The following UBOX5 variants were observed in gnomAD, a reference collection of about 807,000 sequenced individuals.
UBOX5 encodes RING finger protein 37.
A neutral mutation model predicts 39.0 loss-of-function variants in UBOX5; 28 were observed. That is an observed-to-expected ratio of 0.72 (90% CI 0.53 to 0.98). UBOX5 has a LOEUF of 0.98. Ranked by LOEUF, UBOX5 falls within the 50% of genes least tolerant of loss-of-function variation. The pLI is 0.00. For missense variants in UBOX5, 585 were observed against 674.4 expected, an observed-to-expected ratio of 0.87 and a Z score of 1.47; for synonymous variants, 283 against 275.5, an observed-to-expected ratio of 1.03 and a Z score of -0.27.
chr20:3,132,139 G>A (rs892417118), intron 1 of UBOX5, among the ~76,000 whole-genome samples: 2 of 151,366 alleles, frequency 1.3e-5, no homozygotes, highest in Admixed American at 6.6e-5. Flanking sequence ...GTGAAAACCC[G>A]ATGCTACTAA....
Position 3,122,465 on chromosome 20 carries a change from G to A in UBOX5, c.174C>T (p.Pro58=), listed in dbSNP as rs761018918. Reference sequence around the variant, plus strand: ...TGATCCTACAGATTTCCACATTAAAGGGAAATGAAACTGTCACATAGACTG... The same window carrying A: ...TGATCCTACAGATTTCCACATTAAAAGGAAATGAAACTGTCACATAGACTG... ...KPPVYVTVSF[P]FNVEICRINI... Residue 58 remains proline, a synonymous_variant, in exon 3 of 5, where the codon CCC becomes CCT. Transcript: ENST00000217173. The A allele has an allele frequency of 2.7e-5, 44 of 1,614,070 alleles. No homozygotes were observed. Among genetic ancestry groups the A allele is most frequent in the Non-Finnish European group, 3.7e-5 (44 of 1,180,030 alleles).
chr20:3,114,934 C>T (rs931193959), intron 4 of UBOX5, among the ~76,000 whole-genome samples: 3 of 151,674 alleles, frequency 2.0e-5, no homozygotes, highest in South Asian at 2.1e-4. Flanking sequence ...GGCAACAGGG[C>T]GAGATGCAGT....
At chr20:3,124,298 G>A (rs1245860130) in intron 1 of UBOX5, among the ~76,000 whole-genome samples, 2 of 152,160 alleles carry the variant, frequency 1.3e-5, no homozygotes, top group Non-Finnish European at 2.9e-5. Context: ...TCAGCTCGCT[G>A]CAACCTCCCT....
chr20:3,115,300 G>T lies in UBOX5; in HGVS notation c.1417+5C>A, dbSNP rs2066284659. The stretch of plus-strand genomic sequence containing the variant: ...GCTCCAAGGAGATGGCGGGGCCCAT[G>T]TTACCCGAGCCGGTGCCAGGCCTCC... On this transcript the variant is annotated splice_donor_5th_base_variant and intron_variant, in intron 4 of 4. Transcript: ENST00000217173. 6.2e-7 allele frequency: 1 copy of T among 1,608,936 alleles called. No homozygotes were observed. Among genetic ancestry groups the T allele is most frequent in the South Asian group, 1.1e-5 (1 of 90,300 alleles).
intron 1 of UBOX5, among the ~76,000 whole-genome samples, chr20:3,153,246 T>C (rs2066649705): frequency 6.6e-6 from 1 of 152,240 alleles, no homozygotes; most frequent in Admixed American, 6.5e-5. Context: ...AACATCAATG[T>C]TTGGTGCAGC....
chr20:3,152,501 C>CA (rs557313855), intron 1 of UBOX5, among the ~76,000 whole-genome samples: 10 of 148,792 alleles, frequency 6.7e-5, no homozygotes, highest in Non-Finnish European at 1.0e-4. Context: ...GACTCTGTCT[C>CA]AAAAAAAAAG....
At chr20:3,153,852 CA>C (rs2066657192) in intron 1 of UBOX5, among the ~76,000 whole-genome samples, 1 of 152,136 alleles carries the variant, frequency 6.6e-6, no homozygotes, top group African/African-American at 2.4e-5. Context: ...GTGAGCATTC[CA>C]AATTCAAAAA....
At chr20:3,147,070 G>GC (rs1233549844) in intron 1 of UBOX5, 6 of 1,614,164 alleles carry the variant, frequency 3.7e-6, no homozygotes, top group Non-Finnish European at 5.1e-6. Flanking sequence ...TGCAAAGGAA[G>GC]CCCCCCAGAG....
intron 1 of UBOX5, chr20:3,146,964 T>C: frequency 1.2e-6 from 2 of 1,614,202 alleles, no homozygotes; most frequent in Non-Finnish European, 1.7e-6. Flanking sequence ...TGGTTCCTGT[T>C]TGTGAACTGA....
intron 1 of UBOX5, among the ~76,000 whole-genome samples, chr20:3,159,540 C>G (rs1277120628): frequency 6.6e-6 from 1 of 152,226 alleles, no homozygotes; most frequent in Non-Finnish European, 1.5e-5. Context: ...GTCAGATAAG[C>G]CCCCTGCCAA....
At chr20:3,144,284 A>C (rs778478094) in intron 1 of UBOX5, among the ~76,000 whole-genome samples, 1 of 152,244 alleles carries the variant, frequency 6.6e-6, no homozygotes, top group Non-Finnish European at 1.5e-5. Flanking sequence ...TGGTATTGGC[A>C]TAAGAATAGA....
chr20:3,146,762 C>T (rs2066566857), intron 1 of UBOX5: 2 of 1,605,586 alleles, frequency 1.2e-6, no homozygotes, highest in Non-Finnish European at 1.7e-6. Flanking sequence ...CATAGAAATG[C>T]CCCTAAATGC....
intron 1 of UBOX5, among the ~76,000 whole-genome samples, chr20:3,140,103 C>A (rs1233995966): frequency 6.8e-6 from 1 of 147,210 alleles, no homozygotes; most frequent in Non-Finnish European, 1.5e-5. Context: ...CTCACTGCAA[C>A]CTCCACCTCC....
At chr20:3,120,857 T>C (rs2066329793) in intron 3 of UBOX5, among the ~76,000 whole-genome samples, 1 of 152,156 alleles carries the variant, frequency 6.6e-6, no homozygotes, top group African/African-American at 2.4e-5. Flanking sequence ...TGTGTCCTCA[T>C]GCCACATGGT....
At chr20:3,128,982 A>G (rs1264310734) in intron 1 of UBOX5, among the ~76,000 whole-genome samples, 1 of 152,198 alleles carries the variant, frequency 6.6e-6, no homozygotes, top group African/African-American at 2.4e-5. Flanking sequence ...CAGACCTGAA[A>G]TTAAGGAAAA....
intron 1 of UBOX5, among the ~76,000 whole-genome samples, chr20:3,135,545 G>GCAGGC (rs2066463151): frequency 6.6e-6 from 1 of 152,156 alleles, no homozygotes; most frequent in Non-Finnish European, 1.5e-5. Context: ...ACTTCACTTA[G>GCAGGC]TAGGCTGAGG....
intron 1 of UBOX5, among the ~76,000 whole-genome samples, chr20:3,150,268 T>C (rs2066611318): frequency 6.6e-6 from 1 of 151,968 alleles, no homozygotes; most frequent in Non-Finnish European, 1.5e-5. Flanking sequence ...AAGCAGAAGG[T>C]TGAGGGTCTG....
At chr20:3,137,418 G>A (rs1423927981) in intron 1 of UBOX5, among the ~76,000 whole-genome samples, 1 of 151,858 alleles carries the variant, frequency 6.6e-6, no homozygotes, top group African/African-American at 2.4e-5. Context: ...ACAGGTGCCC[G>A]CCACCATGCC....
rs2066238907 is a variant in UBOX5, at chr20:3,109,821, C to A, written c.*285G>T. 2.0e-6 allele frequency: 1 copy of A among 496,066 alleles called. No homozygotes were observed. Among genetic ancestry groups the A allele is most frequent in the Non-Finnish European group, 3.7e-6 (1 of 271,970 alleles). The allele number at this position is 496,066 out of a possible 1,614,324, so 30.7% of individuals were successfully genotyped here. A position where few individuals can be genotyped will look rare whatever the true frequency, so the allele number is the denominator to read the frequency against. Reference sequence around the variant, plus strand: ...GCACGGGGGGGCCCTCAGCAGGGGTCTTCCTGCCTAGGGTGGGGCTGGCTC... The same window carrying A: ...GCACGGGGGGGCCCTCAGCAGGGGTATTCCTGCCTAGGGTGGGGCTGGCTC... On this transcript the variant is annotated 3_prime_UTR_variant, in exon 5 of 5. Coordinates refer to ENST00000217173, the MANE Select transcript of UBOX5 (RefSeq NM_014948.4).
Sources: allele counts gnomAD v4.1 joint callset (sites outside exome capture counted in the v4.1 genomes callset), GRCh38; gene constraint gnomAD v4.1.1; transcripts MANE v1.5; gene names NCBI Gene and HGNC (gene_info 2026-07-23, HGNC 2026-07-21).